The following COL6A2 variants were observed in gnomAD, a reference collection of about 807,000 sequenced individuals.
COL6A2 encodes collagen type VI alpha 2 chain, also known as collagen alpha-2(VI) chain.
In COL6A2, 90 loss-of-function variants were observed where a neutral mutation model predicts 124.9. The observed-to-expected ratio is 0.72, with a 90% CI of 0.61 to 0.86. COL6A2 has a LOEUF of 0.86. COL6A2 is among the 40% of genes least tolerant of loss of function. The probability of loss-of-function intolerance (pLI) is 0.00; values close to 1 mark genes in which losing one functional copy is unlikely to be tolerated. For synonymous variants in COL6A2, 793 were observed against 618.2 expected (o/e 1.28, Z -4.19); for missense variants, 1,607 against 1,502.5 (o/e 1.07, Z -1.15).
chr21:46,117,627 C>T lies in COL6A2; in HGVS notation c.1053+174C>T, dbSNP rs575067108. On this transcript the variant is annotated intron_variant, in intron 11 of 27. Transcript: ENST00000300527. ...CCGGGTCGGAGTCATGTGAGGAACT[C>T]CCCCTGGGAGCTCCTGGCGGATCCC... 34 of 782,750 alleles carry T rather than the reference C, an allele frequency of 4.3e-5. No homozygotes were observed. The African/African-American group carries it at 5.1e-4, about 12-fold the overall frequency. The allele number at this position is 782,750 out of a possible 1,614,324, so 48.5% of individuals were successfully genotyped here. A position where few individuals can be genotyped will look rare whatever the true frequency, so the allele number is the denominator to read the frequency against.
In COL6A2 at chr21:46,122,913, G is replaced by T; in HGVS notation, c.1647G>T (p.Gly549=). The T allele has an allele frequency of 6.2e-7, 1 of 1,613,310 alleles. No homozygotes were observed. The highest frequency in any genetic ancestry group is 8.5e-7 in the Non-Finnish European group (1 of 1,179,928). ...ACTTTGGCTTGAAAGGAGAACCTGG[G>T]AGGAAAGGAGAGAAAGGAGAGCCTG... ...RGDFGLKGEP[G]RKGEKGEPAD... is the part of the protein sequence containing the mutation. Residue 549 remains glycine (G), a synonymous_variant, in exon 21 of 28, where the codon GGG becomes GGT. Coordinates refer to ENST00000300527, the MANE Select transcript of COL6A2 (RefSeq NM_001849.4).
chr21:46,114,668 T>G (rs911209501), intron 5 of COL6A2, among the ~76,000 whole-genome samples: 7 of 152,232 alleles, frequency 4.6e-5, no homozygotes, highest in African/African-American at 1.7e-4. Flanking sequence ...CTCATTAATA[T>G]GAAGGAACCT....
intron 1 of COL6A2, among the ~76,000 whole-genome samples, chr21:46,103,187 T>C (rs1228731320): frequency 6.6e-6 from 1 of 152,206 alleles, no homozygotes; most frequent in Admixed American, 6.5e-5. Context: ...ATTCCATCTG[T>C]GTTATTCAAA....
chr21:46,113,086 G>A (rs2078427277), intron 4 of COL6A2: 5 of 586,134 alleles, frequency 8.5e-6, no homozygotes, highest in Admixed American at 3.0e-5. Context: ...TCTGGCCTCC[G>A]GGCAGGTGGG....
chr21:46,127,227 C>T (rs1406705389), intron 27 of COL6A2, among the ~76,000 whole-genome samples: 1 of 152,118 alleles, frequency 6.6e-6, no homozygotes, highest in African/African-American at 2.4e-5. Context: ...GGTAGGGATG[C>T]CATGGAGACA....
At chr21:46,122,571 G>A (rs757830027) in intron 20 of COL6A2, 40 bp downstream of exon 20, 1 of 1,609,106 alleles carries the variant, frequency 6.2e-7, no homozygotes, top group Non-Finnish European at 8.5e-7. Flanking sequence ...ACCCAGGGTG[G>A]GGGTCTGCAC....
Position 46,132,203 on chromosome 21 carries a change from C to T in COL6A2, c.2711C>T (p.Ala904Val), listed in dbSNP as rs376665722. 290 of 1,583,162 alleles carry T rather than the reference C, an allele frequency of 1.8e-4. 1 individual carries two copies. The highest frequency in any genetic ancestry group is 1.8e-4 in the Non-Finnish European group (213 of 1,165,984). The change falls in exon 28 of 28, where the codon GCG becomes GTG. Residue 904 changes from alanine to valine, a missense_variant. By Grantham distance (64) the Ala-to-Val change is moderately conservative. This residue lies in a region of COL6A2 where 1,223 missense variants were observed against 1,052.2 expected (regional missense o/e 1.16). Transcript: ENST00000300527. ...CACAACCTCACGGCCATCCACGAGG[C>T]GCTGGAGACCACACAATACCTGAAC... The part of the protein sequence containing the change: ...LSHNLTAIHE[A>V]LETTQYLNSF...
chr21:46,129,130 C>T (rs967778843), intron 27 of COL6A2: 95 of 1,608,986 alleles, frequency 5.9e-5, no homozygotes, highest in Middle Eastern at 1.7e-4. Flanking sequence ...AGCGGCTGCC[C>T]GAGGAGGAGC....
rs75120695 is a variant in COL6A2 at position 46,126,166 on chromosome 21, G to A, written c.2351G>A (p.Arg784His). The change falls in exon 26 of 28, where the codon CGC becomes CAC. Residue 784 changes from arginine (R) to histidine (H), a missense_variant. Arg to His is a conservative substitution (Grantham distance 29, BLOSUM62 0). Around this residue, in one of 3 missense-constraint regions of COL6A2, gnomAD observed 1,223 missense variants for 1,052.2 expected, o/e 1.16. Transcript: ENST00000300527. ...GCCTGCGACAAGCCACAGCAGGTGCGCAACATGACGCTGTTCTCCGACCTG... is the reference window on the plus strand; with the variant it reads ...GCCTGCGACAAGCCACAGCAGGTGCACAACATGACGCTGTTCTCCGACCTG... ...SIACDKPQQVRNMTLFSDLVA... is the reference protein window; with the variant it reads ...SIACDKPQQVHNMTLFSDLVA... 5.8e-3 allele frequency: 9,345 copies of A among 1,608,916 alleles called. 35 individuals are homozygous for A. The highest frequency in any genetic ancestry group is 7.1e-3 in the Non-Finnish European group (8,390 of 1,179,996).
Position 46,124,682 on chromosome 21 carries a change from C to G in COL6A2, c.1703C>G (p.Pro568Arg). 1 of 1,612,930 alleles carries G rather than the reference C, an allele frequency of 6.2e-7. No individual in the cohort carries two copies. Among genetic ancestry groups the G allele is most frequent in the Non-Finnish European group, 8.5e-7 (1 of 1,179,944 alleles). ...CCTGGTCCCCCTGGTGAGCCAGGCC[C>G]TCGGGGGCCAAGAGGAGTCCCAGGA... ...ADPGPPGEPG[P>R]RGPRGVPGPE... Residue 568 changes from proline to arginine, a missense_variant, in exon 22 of 28, where the codon CCT (proline) becomes CGT (arginine). Pro to Arg is a moderately radical substitution (Grantham distance 103, BLOSUM62 -2). Coordinates refer to ENST00000300527, the MANE Select transcript of COL6A2 (RefSeq NM_001849.4).
intron 1 of COL6A2, among the ~76,000 whole-genome samples, chr21:46,098,506 G>A (rs2078250833): frequency 6.6e-6 from 1 of 151,756 alleles, no homozygotes; most frequent in Admixed American, 6.6e-5. Flanking sequence ...CCCCGCTCCC[G>A]AGACGACCCC....
intron 27 of COL6A2, 128 bp downstream of exon 27, chr21:46,126,669 C>A: frequency 8.7e-7 from 1 of 1,152,722 alleles, no homozygotes; most frequent in Non-Finnish European, 1.3e-6. Context: ...ACTGCGGAGG[C>A]TGCTCCTTAG....
chr21:46,127,920 T>C (rs1229653565), intron 27 of COL6A2, among the ~76,000 whole-genome samples: 1 of 152,222 alleles, frequency 6.6e-6, no homozygotes, highest in Non-Finnish European at 1.5e-5. Context: ...GAGCCAGCCC[T>C]GCGTGCCCGG....
At chr21:46,122,007 C>T in intron 18 of COL6A2, 101 bp from the exon 19 acceptor site, 1 of 1,276,950 alleles carries the variant, frequency 7.8e-7, no homozygotes, top group Non-Finnish European at 1.1e-6. Flanking sequence ...GCACCCCTAG[C>T]CCACTTCCAC....
At chr21:46,117,779 C>A in intron 11 of COL6A2, 95 bp from the exon 12 acceptor site, 1 of 1,268,172 alleles carries the variant, frequency 7.9e-7, no homozygotes, top group Non-Finnish European at 1.1e-6. Context: ...GTGGGAGGTG[C>A]GTCCCGGGCT....
chr21:46,123,907 GTGGGTGGATAGAGGATGGA>G (rs1484649138), intron 21 of COL6A2, among the ~76,000 whole-genome samples: 1 of 142,652 alleles, frequency 7.0e-6, no homozygotes, highest in African/African-American at 2.6e-5. Flanking sequence ...AGATGGATGG[GTGGGTGGATAGAGGATGGA>G]TGGTTGGGTA....
At chr21:46,108,893 A>G (rs1034124052) in intron 1 of COL6A2, among the ~76,000 whole-genome samples, 5 of 152,224 alleles carry the variant, frequency 3.3e-5, no homozygotes, top group African/African-American at 1.2e-4. Flanking sequence ...TCCAGGAAGA[A>G]TGAGGTACAC....
Position 46,112,643 on chromosome 21 carries a change from C to T in COL6A2, c.714+66C>T, listed in dbSNP as rs1326025540. The T allele has an allele frequency of 9.4e-6, 15 of 1,594,630 alleles. No homozygotes were observed. The African/African-American group carries it at 1.1e-4, about 11-fold the overall frequency. The stretch of plus-strand genomic sequence containing the variant: ...GCCACGGTGGGCCGTCCACCCACTC[C>T]GGGCCTCACTTTACCCCTCTGTGAG... On this transcript the variant is annotated intron_variant, in intron 3 of 27. Coordinates refer to ENST00000300527, the MANE Select transcript of COL6A2 (RefSeq NM_001849.4).
intron 13 of COL6A2, 87 bp from the exon 14 acceptor site, chr21:46,118,943 A>G: frequency 8.9e-7 from 1 of 1,119,178 alleles, no homozygotes; most frequent in Non-Finnish European, 1.3e-6. Flanking sequence ...GGAAGATAAT[A>G]GGGGCTCCAC....
Sources: allele counts gnomAD v4.1 joint callset (sites outside exome capture counted in the v4.1 genomes callset), GRCh38; gene constraint gnomAD v4.1.1; regional missense constraint gnomAD v4.1.1; transcripts MANE v1.5; gene names NCBI Gene and HGNC (gene_info 2026-07-23, HGNC 2026-07-21).